The following RFTN1 variants were observed in gnomAD, a reference collection of about 807,000 sequenced individuals.
RFTN1 encodes the protein raftlin, lipid raft linker 1.
Under a neutral mutation model 46.5 loss-of-function variants are expected in RFTN1, and 26 were observed. That is an observed-to-expected ratio of 0.56 (90% confidence interval 0.41 to 0.78). The LOEUF is 0.78. Ranked by LOEUF, RFTN1 falls within the 30% of genes least tolerant of loss-of-function variation. The probability of loss-of-function intolerance (pLI) is 0.00; values close to 1 mark genes in which losing one functional copy is unlikely to be tolerated. For missense variants in RFTN1, 693 were observed against 718.7 expected, an observed-to-expected ratio of 0.96 and a Z score of 0.41; for synonymous variants, 261 against 284.2, an observed-to-expected ratio of 0.92 and a Z score of 0.82.
At chr3:16,490,354 T>C (rs1465152152) in intron 2 of RFTN1, among the ~76,000 whole-genome samples, 2 of 152,124 alleles carry the variant, frequency 1.3e-5, no homozygotes, top group Non-Finnish European at 2.9e-5. Context: ...GGTAGGGGCC[T>C]GTGCAGAAAG....
chr3:16,394,729 T>C (rs1280529362), intron 4 of RFTN1, among the ~76,000 whole-genome samples: 1 of 108,458 alleles, frequency 9.2e-6, no homozygotes, highest in Non-Finnish European at 1.8e-5. Flanking sequence ...TAAAAAGAGG[T>C]GTTTTCTATT....
At chr3:16,461,610 A>C (rs2076009286) in intron 2 of RFTN1, among the ~76,000 whole-genome samples, 1 of 152,216 alleles carries the variant, frequency 6.6e-6, no homozygotes, top group Non-Finnish European at 1.5e-5. Context: ...ATACAATTAC[A>C]CGATATGACC....
rs756902582 is a variant in RFTN1 at position 16,489,049 on chromosome 3, T to G, written c.145+4676A>C. Among the ~76,000 whole-genome samples the G allele has an allele frequency of 4.6e-5, 7 of 152,072 alleles. No homozygotes were observed. Among genetic ancestry groups the G allele is most frequent in the Non-Finnish European group, 7.4e-5 (5 of 67,990 alleles). On this transcript the variant is annotated intron_variant, in intron 2 of 9. Coordinates refer to ENST00000334133, the MANE Select transcript of RFTN1 (RefSeq NM_015150.2). The surrounding 1 kb of genome is among the most constrained non-coding windows in gnomAD (Gnocchi z 4.0). ...ATCAATCTTAAATGAGTAAGTTGAGTGAATGAGAAGAGCTAGGTTTTGAAA... is the reference window on the plus strand; with the variant it reads ...ATCAATCTTAAATGAGTAAGTTGAGGGAATGAGAAGAGCTAGGTTTTGAAA...
chr3:16,483,326 C>T lies in RFTN1; in HGVS notation c.145+10399G>A, dbSNP rs773896850. ...TCTCTTCCTTCCTTTCCCTAGTTTA[C>T]GATGTTGGGCTCCCCTGTAAAGCAC... On this transcript the variant is annotated intron_variant, in intron 2 of 9. Coordinates refer to ENST00000334133, the MANE Select transcript of RFTN1 (RefSeq NM_015150.2). The surrounding 1 kb of genome is among the most constrained non-coding windows in gnomAD (Gnocchi z 4.8). 1.3e-5 allele frequency among the ~76,000 whole-genome samples: 2 copies of T among 152,164 alleles called. No homozygotes were observed. Among genetic ancestry groups the T allele is most frequent in the East Asian group, 1.9e-4 (1 of 5,196 alleles).
At chr3:16,358,440 TC>T (rs1287858646) in intron 6 of RFTN1, among the ~76,000 whole-genome samples, 2 of 150,698 alleles carry the variant, frequency 1.3e-5, no homozygotes, top group African/African-American at 2.4e-5. Context: ...GTTTTTTTTT[TC>T]TTTTTTCTTT....
At chr3:16,403,603 AATAT>A (rs201860446) in intron 4 of RFTN1, among the ~76,000 whole-genome samples, 1 of 51,042 alleles carries the variant, frequency 2.0e-5, no homozygotes. Flanking sequence ...TATAATATAT[AATAT>A]ATATATAATA....
chr3:16,383,052 T>C lies in RFTN1; in HGVS notation c.442-4950A>G, dbSNP rs377494519. ...CAAAGAACTTTCACATGCATTCCCTTAGGCCTCAAAATCATACCTTACAGA... is the reference window on the plus strand; with the variant it reads ...CAAAGAACTTTCACATGCATTCCCTCAGGCCTCAAAATCATACCTTACAGA... On this transcript the variant is annotated intron_variant, in intron 4 of 9. Transcript: ENST00000334133. The surrounding 1 kb of genome is among the most constrained non-coding windows in gnomAD (Gnocchi z 4.0). 1.6e-4 allele frequency among the ~76,000 whole-genome samples: 24 copies of C among 152,322 alleles called. No individual in the cohort carries two copies. Among genetic ancestry groups the C allele is most frequent in the African/African-American group, 5.8e-4 (24 of 41,576 alleles).
Position 16,418,573 on chromosome 3 carries a change from A to C in RFTN1, c.333-9090T>G, listed in dbSNP as rs558135675. 3.2e-4 allele frequency among the ~76,000 whole-genome samples: 48 copies of C among 152,354 alleles called. No homozygotes were observed. Among genetic ancestry groups the C allele is most frequent in the African/African-American group, 1.2e-3 (48 of 41,576 alleles). ...GCCAGGAAAAAAAATACTAAACGTC[A>C]GTTGACAAAAACAAATTCTCTATCT... On this transcript the variant is annotated intron_variant, in intron 3 of 9. Transcript: ENST00000334133. The surrounding 1 kb of genome is among the most constrained non-coding windows in gnomAD (Gnocchi z 5.0).
rs2076071083 is a variant in RFTN1, at chr3:16,465,339, T to G, written c.145+28386A>C. On this transcript the variant is annotated intron_variant, in intron 2 of 9. Coordinates refer to ENST00000334133, the MANE Select transcript of RFTN1 (RefSeq NM_015150.2). This position sits in a 1 kb window ranked among gnomAD's most constrained non-coding sequence, Gnocchi z 5.1. ...AGAATGTGTTCAATTTTTATCCATT[T>G]GATTGCTGAACGCTTTCATCAAGGC... Among the ~76,000 whole-genome samples, 1 of 152,042 alleles carries G rather than the reference T, an allele frequency of 6.6e-6. No homozygotes were observed. The highest frequency in any genetic ancestry group is 6.6e-5 in the Admixed American group (1 of 15,264).
chr3:16,375,204 T>TGGG (rs146739604), intron 5 of RFTN1, among the ~76,000 whole-genome samples: 1 of 151,306 alleles, frequency 6.6e-6, no homozygotes. Flanking sequence ...GAGGGGTGCC[T>TGGG]GGGGGGGCCC....
intron 2 of RFTN1, among the ~76,000 whole-genome samples, chr3:16,434,394 AAAAAC>A (rs2075459033): frequency 7.1e-6 from 1 of 140,894 alleles, no homozygotes; most frequent in Non-Finnish European, 1.6e-5. Context: ...ACAAACAAAC[AAAAAC>A]AAAAAAACCC....
chr3:16,330,031 A>G (rs1300710580), intron 7 of RFTN1, among the ~76,000 whole-genome samples: 2 of 152,236 alleles, frequency 1.3e-5, no homozygotes, highest in Non-Finnish European at 2.9e-5. Context: ...CTCTTAAAGA[A>G]AAAATCAGCA....
At chr3:16,398,707 C>T (rs1185730493) in intron 4 of RFTN1, among the ~76,000 whole-genome samples, 5 of 152,158 alleles carry the variant, frequency 3.3e-5, no homozygotes, top group African/African-American at 9.7e-5. Flanking sequence ...TCATGTCAGC[C>T]TTGATACCAT....
intron 2 of RFTN1, among the ~76,000 whole-genome samples, chr3:16,439,068 A>G (rs1174378444): frequency 1.3e-5 from 2 of 152,226 alleles, no homozygotes; most frequent in Non-Finnish European, 1.5e-5. Flanking sequence ...AATTTTTGGT[A>G]TGCATGCTGT....
At chr3:16,439,436 T>C (rs1199375101) in intron 2 of RFTN1, among the ~76,000 whole-genome samples, 1 of 152,240 alleles carries the variant, frequency 6.6e-6, no homozygotes, top group Non-Finnish European at 1.5e-5. Flanking sequence ...GCAAGCTATA[T>C]AGCTCCCTCC....
rs573469844 is a variant in RFTN1 at position 16,335,726 on chromosome 3, G to A, written c.1147-8850C>T. Among the ~76,000 whole-genome samples the A allele has an allele frequency of 1.5e-3, 225 of 149,446 alleles. 1 individual carries two copies. The highest frequency in any genetic ancestry group is 5.0e-3 in the African/African-American group (204 of 40,396). The stretch of plus-strand genomic sequence containing the variant: ...CTGAGCAGCAACACACATGGCACAC[G>A]TTTACCTATGTAACAAGCCTGCATA... On this transcript the variant is annotated intron_variant, in intron 7 of 9. Transcript: ENST00000334133. The surrounding 1 kb of genome is among the most constrained non-coding windows in gnomAD (Gnocchi z 4.7).
rs1366315384 is a variant in RFTN1, at chr3:16,457,388, C to T, written c.146-23351G>A. ...CTCCAAGTATAAAAAGGAAGAATAACAATATTTAACTGGTAGGATCTTCAT... is the reference window on the plus strand; with the variant it reads ...CTCCAAGTATAAAAAGGAAGAATAATAATATTTAACTGGTAGGATCTTCAT... On this transcript the variant is annotated intron_variant, in intron 2 of 9. Coordinates refer to ENST00000334133, the MANE Select transcript of RFTN1 (RefSeq NM_015150.2). The surrounding 1 kb of genome is among the most constrained non-coding windows in gnomAD (Gnocchi z 4.2). Among the ~76,000 whole-genome samples, 2 of 152,122 alleles carry T rather than the reference C, an allele frequency of 1.3e-5. No individual in the cohort carries two copies. Among genetic ancestry groups the T allele is most frequent in the African/African-American group, 2.4e-5 (1 of 41,414 alleles).
rs774607750 is a variant in RFTN1, at chr3:16,358,050, G to A, written c.1031-3C>T. The A allele has an allele frequency of 1.6e-6, 2 of 1,238,722 alleles. No individual in the cohort carries two copies. The highest frequency in any genetic ancestry group is 2.5e-5 in the South Asian group (2 of 81,278). The allele number at this position is 1,238,722 out of a possible 1,614,324, so 76.7% of individuals were successfully genotyped here. A position where few individuals can be genotyped will look rare whatever the true frequency, so the allele number is the denominator to read the frequency against. On this transcript the variant is annotated splice_region_variant and splice_polypyrimidine_tract_variant and intron_variant, in intron 6 of 9. Coordinates refer to ENST00000334133, the MANE Select transcript of RFTN1 (RefSeq NM_015150.2). ...ATCTGTCAAGCCATGTAAGGAATCT[G>A]TGGAAAAAGAAAAAGGCGGGGGTGG...
At position 16,410,079 on chromosome 3, in the gene RFTN1, T is replaced by A. The variant is rs1271986038; in HGVS notation, c.333-596A>T. On this transcript the variant is annotated intron_variant, in intron 3 of 9. Coordinates refer to ENST00000334133, the MANE Select transcript of RFTN1 (RefSeq NM_015150.2). The surrounding 1 kb of genome is among the most constrained non-coding windows in gnomAD (Gnocchi z 4.6). ...GAAAGTAACGTCAAAAAGGCACTGA[T>A]GAAAAATGGTTTATGGAAACTACTC... Among the ~76,000 whole-genome samples, 1 of 151,710 alleles carries A rather than the reference T, an allele frequency of 6.6e-6. No individual in the cohort carries two copies. Among genetic ancestry groups the A allele is most frequent in the Non-Finnish European group, 1.5e-5 (1 of 67,948 alleles).
Sources: allele counts gnomAD v4.1 joint callset (sites outside exome capture counted in the v4.1 genomes callset), GRCh38; gene constraint gnomAD v4.1.1; non-coding constraint Gnocchi (gnomAD v3.1); transcripts MANE v1.5; gene names NCBI Gene and HGNC (gene_info 2026-07-23, HGNC 2026-07-21).